The following PSMD3 variants were observed in gnomAD, a reference collection of about 807,000 sequenced individuals.
The protein encoded by PSMD3 is 26S proteasome non-ATPase regulatory subunit 3.
Under a neutral mutation model 62.8 loss-of-function variants are expected in PSMD3, and 5 were observed. The observed-to-expected ratio is 0.08, with a 90% CI of 0.04 to 0.17. The LOEUF (loss-of-function observed/expected upper bound fraction) is 0.17. Among genes scored for constraint, PSMD3 ranks in the 10% least tolerant of loss-of-function variants. PSMD3 has a pLI of 1.00. For synonymous variants in PSMD3, 265 were observed against 283.9 expected, an observed-to-expected ratio of 0.93 and a Z score of 0.67; for missense variants, 524 against 713.6, an observed-to-expected ratio of 0.73 and a Z score of 3.03.
intron 6 of PSMD3, among the ~76,000 whole-genome samples, chr17:39,991,513 T>G (rs906201049): frequency 6.6e-6 from 1 of 152,174 alleles, no homozygotes; most frequent in African/African-American, 2.4e-5. Context: ...GTCAGAAAGC[T>G]TGAGGGTGTA....
Position 39,984,421 on chromosome 17 carries a change from T to C in PSMD3, c.348T>C (p.Ala116=), listed in dbSNP as rs1272203375. The part of the protein sequence containing the change: ...RRLNHYVLYK[A]VQGFFTSNNA... ...TCAACCACTATGTTCTGTATAAGGC[T>C]GTGCAGGGCTTCTTCACTTCAAATA... The change falls in exon 2 of 12, where the codon GCT becomes GCC. Residue 116 remains alanine, a synonymous_variant. Coordinates refer to ENST00000264639, the MANE Select transcript of PSMD3 (RefSeq NM_002809.4). The C allele has an allele frequency of 6.2e-7, 1 of 1,612,916 alleles. No homozygotes were observed. Among genetic ancestry groups the C allele is most frequent in the Middle Eastern group, 1.7e-4 (1 of 5,826 alleles).
Position 39,988,824 on chromosome 17 carries a change from A to G in PSMD3, c.686+5A>G, listed in dbSNP as rs1980587391. 7 of 1,613,124 alleles carry G rather than the reference A, an allele frequency of 4.3e-6. No homozygotes were observed. The highest frequency in any genetic ancestry group is 5.9e-6 in the Non-Finnish European group (7 of 1,179,976). Reference sequence around the variant, plus strand: ...CAAGCTGGATGTGGTGCGCAGGTACAGGCAGCCAAGCATCTCACTTGGGGT... The same window carrying G: ...CAAGCTGGATGTGGTGCGCAGGTACGGGCAGCCAAGCATCTCACTTGGGGT... On this transcript the variant is annotated splice_donor_5th_base_variant and intron_variant, in intron 4 of 11. Coordinates refer to ENST00000264639, the MANE Select transcript of PSMD3 (RefSeq NM_002809.4).
At chr17:39,989,091 G>T (rs1261226720) in intron 4 of PSMD3, among the ~76,000 whole-genome samples, 1 of 152,172 alleles carries the variant, frequency 6.6e-6, no homozygotes, top group Non-Finnish European at 1.5e-5. Flanking sequence ...GTTAGGGGTG[G>T]AGGGACAGGC....
At chr17:39,990,247 T>TTTA in intron 6 of PSMD3, 50 bp downstream of exon 6, 2 of 1,356,560 alleles carry the variant, frequency 1.5e-6, no homozygotes, top group Non-Finnish European at 2.0e-6. Context: ...TTTTTTTTTT[T>TTTA]AAATGGTGTC....
At chr17:39,990,758 C>T (rs1260307204) in intron 6 of PSMD3, among the ~76,000 whole-genome samples, 2 of 152,160 alleles carry the variant, frequency 1.3e-5, no homozygotes, top group South Asian at 2.1e-4. Context: ...TGTGTTGATA[C>T]AAACCCCAGG....
chr17:39,983,287 C>T (rs1314229106), intron 1 of PSMD3, among the ~76,000 whole-genome samples: 1 of 152,204 alleles, frequency 6.6e-6, no homozygotes, highest in Non-Finnish European at 1.5e-5. Flanking sequence ...CCTCCTCAGC[C>T]TCCCAAAGTA....
At chr17:39,989,119 C>A (rs1321126838) in intron 4 of PSMD3, among the ~76,000 whole-genome samples, 3 of 152,190 alleles carry the variant, frequency 2.0e-5, no homozygotes, top group Admixed American at 1.3e-4. Flanking sequence ...CATTTTACTT[C>A]TTTGCTCAAA....
chr17:39,984,531 C>T (rs1980476060), intron 2 of PSMD3, 47 bp downstream of exon 2: 1 of 1,497,372 alleles, frequency 6.7e-7, no homozygotes. Flanking sequence ...GGCCTCAGAT[C>T]CCCAGGAACA....
chr17:39,990,830 G>A (rs1191128585), intron 6 of PSMD3, among the ~76,000 whole-genome samples: 1 of 152,180 alleles, frequency 6.6e-6, no homozygotes, highest in African/African-American at 2.4e-5. Flanking sequence ...AAGGAACCCA[G>A]AAAATCTCTG....
intron 1 of PSMD3, among the ~76,000 whole-genome samples, chr17:39,982,288 A>G (rs978937466): frequency 2.6e-5 from 4 of 152,246 alleles, no homozygotes; most frequent in African/African-American, 9.6e-5. Flanking sequence ...GGGTGTGTTT[A>G]TTACAGGCAC....
At chr17:39,986,955 A>T (rs552489212) in intron 3 of PSMD3, among the ~76,000 whole-genome samples, 1 of 152,246 alleles carries the variant, frequency 6.6e-6, no homozygotes, top group East Asian at 1.9e-4. Flanking sequence ...ATACCAGCGT[A>T]GTACATTCTT....
intron 6 of PSMD3, among the ~76,000 whole-genome samples, chr17:39,992,026 A>AAAAAAAAAAAAAAAAAAAAAAAAAC: frequency 1.3e-5 from 2 of 151,640 alleles, no homozygotes; most frequent in Admixed American, 6.6e-5. Context: ...CTCTGTCTCA[A>AAAAAAAAAAAAAAAAAAAAAAAAAC]AAAAAAACAA....
At chr17:39,982,415 T>A (rs942095333) in intron 1 of PSMD3, among the ~76,000 whole-genome samples, 8 of 152,274 alleles carry the variant, frequency 5.3e-5, no homozygotes, top group Non-Finnish European at 7.3e-5. Context: ...ATTTTTGAGC[T>A]GTTCTCCTAT....
intron 6 of PSMD3, among the ~76,000 whole-genome samples, chr17:39,992,723 T>A (rs538380139): frequency 6.6e-6 from 1 of 152,310 alleles, no homozygotes; most frequent in African/African-American, 2.4e-5. Flanking sequence ...ATCACCTGTT[T>A]GCTTCAGTCT....
Position 39,997,862 on chromosome 17 carries a change from C to T in PSMD3, c.*281C>T, listed in dbSNP as rs944205808. The T allele has an allele frequency of 1.2e-5, 6 of 501,840 alleles. No homozygotes were observed. Among genetic ancestry groups the T allele is most frequent in the African/African-American group, 7.7e-5 (4 of 52,070 alleles). 31.1% of individuals were successfully genotyped at this position (501,840 alleles called of 1,614,324 possible). A position where few individuals can be genotyped will look rare whatever the true frequency, so the allele number is the denominator to read the frequency against. On this transcript the variant is annotated 3_prime_UTR_variant, in exon 12 of 12. Transcript: ENST00000264639. ...GAGGGGAAGGATAGTTCTGTGTACT[C>T]CTTTAGGGAGTGGGGGACTAGAACT...
chr17:39,984,252 A>G (rs761894929), intron 1 of PSMD3, 42 bp from the exon 2 acceptor site: 2 of 1,392,360 alleles, frequency 1.4e-6, no homozygotes, highest in South Asian at 1.3e-5. Flanking sequence ...GTGGGGGACT[A>G]GGAGTGAAAG....
At position 39,995,812 on chromosome 17, in the gene PSMD3, T is replaced by G. The variant is rs1421896574; in HGVS notation, c.1320+285T>G. 1.4e-5 allele frequency: 7 copies of G among 508,938 alleles called. No individual in the cohort carries two copies. Among genetic ancestry groups the G allele is most frequent in the Non-Finnish European group, 2.5e-5 (7 of 280,772 alleles). The allele number at this position is 508,938 out of a possible 1,614,324, so 31.5% of individuals were successfully genotyped here. ...AGGAATGGGATGGAACAAGATGTTC[T>G]CTGACTTAGAAGATGGGCGTGCTGG... On this transcript the variant is annotated intron_variant, in intron 9 of 11. Coordinates refer to ENST00000264639, the MANE Select transcript of PSMD3 (RefSeq NM_002809.4). This position sits in a 1 kb window ranked among gnomAD's most constrained non-coding sequence, Gnocchi z 4.1.
In PSMD3 at chr17:39,994,937, CCT is replaced by C. The variant is rs745806177; in HGVS notation, c.982-16_982-15del. 4.4e-5 allele frequency: 71 copies of C among 1,611,576 alleles called. No individual in the cohort carries two copies. Among genetic ancestry groups the C allele is most frequent in the South Asian group, 3.6e-4 (33 of 91,026 alleles). On this transcript the variant is annotated splice_polypyrimidine_tract_variant and intron_variant, in intron 6 of 11. Coordinates refer to ENST00000264639, the MANE Select transcript of PSMD3 (RefSeq NM_002809.4). ...TGGGGCTCCCTGCCCACTGTGTTCC[CCT>C]GTCACTCTGTCCAGGTGCACAAGCT...
intron 2 of PSMD3, among the ~76,000 whole-genome samples, chr17:39,984,782 G>A (rs543907093): frequency 8.5e-5 from 13 of 152,304 alleles, no homozygotes; most frequent in African/African-American, 3.1e-4. Context: ...TGTTGTTCTA[G>A]GAGAGAGAAG....
Sources: allele counts gnomAD v4.1 joint callset (sites outside exome capture counted in the v4.1 genomes callset), GRCh38; gene constraint gnomAD v4.1.1; non-coding constraint Gnocchi (gnomAD v3.1); transcripts MANE v1.5; gene names NCBI Gene and HGNC (gene_info 2026-07-23, HGNC 2026-07-21).